CACNA2D3: variants seen among roughly 807,000 people sequenced by gnomAD.
CACNA2D3 encodes the protein calcium voltage-gated channel auxiliary subunit alpha2delta 3, also known as voltage-dependent calcium channel subunit alpha-2/delta-3.
In CACNA2D3, 60 loss-of-function variants were observed where a neutral mutation model predicts 160.6. That is an observed-to-expected ratio of 0.37 (90% CI 0.30 to 0.46). The LOEUF (loss-of-function observed/expected upper bound fraction) is 0.46, where lower values mean the gene tolerates loss of function less well. Ranked by LOEUF, CACNA2D3 falls within the 20% of genes least tolerant of loss-of-function variation. The probability of loss-of-function intolerance (pLI) is 1.00; values close to 1 mark genes in which losing one functional copy is unlikely to be tolerated. For synonymous variants in CACNA2D3, 558 were observed against 492.9 expected (o/e 1.13, Z -1.75); for missense variants, 1,205 against 1,365.0 (o/e 0.88, Z 1.85).
At chr3:54,459,585 T>G (rs576320208) in intron 4 of CACNA2D3, among the ~76,000 whole-genome samples, 67 of 152,334 alleles carry the variant, frequency 4.4e-4, no homozygotes, top group African/African-American at 1.6e-3. Context: ...GAGAAGTGTC[T>G]GTTCATATCC....
At chr3:54,726,607 C>G (rs1701282473) in intron 11 of CACNA2D3, among the ~76,000 whole-genome samples, 2 of 152,218 alleles carry the variant, frequency 1.3e-5, no homozygotes, top group African/African-American at 2.4e-5. Context: ...GGAAATAACA[C>G]CACACATCTA....
Position 54,891,427 on chromosome 3 carries a change from C to A in CACNA2D3, c.2223C>A (p.Val741=), listed in dbSNP as rs758945452. 1.2e-6 allele frequency: 2 copies of A among 1,613,758 alleles called. No individual in the cohort carries two copies. Among genetic ancestry groups the A allele is most frequent in the Admixed American group, 1.7e-5 (1 of 60,012 alleles). The change falls in exon 25 of 38, where the codon GTC becomes GTA. Residue 741 remains valine, a synonymous_variant. Transcript: ENST00000474759. The part of the protein sequence containing the change: ...RTGLSRINLF[V]GAEQLTNQDF... ...GCCTCTCCAGAATCAACCTGTTTGT[C>A]GGGGCTGAGCAGCTCACCAATCAGT...
intron 35 of CACNA2D3, among the ~76,000 whole-genome samples, chr3:55,064,863 G>A (rs78493693): frequency 0.015 from 2,350 of 152,230 alleles, 57 homozygotes; most frequent in African/African-American, 0.052. Context: ...ACACCATTAA[G>A]ATATATAGGG....
In CACNA2D3 at chr3:54,323,523, G is replaced by A. The variant is rs1198523618; in HGVS notation, c.321+2965G>A. Among the ~76,000 whole-genome samples the A allele has an allele frequency of 2.7e-5, 4 of 148,114 alleles. No homozygotes were observed. The East Asian group carries it at 8.0e-4, about 30-fold the overall frequency. ...GCTCTGTTGCCCAGGCTGGAGTGCA[G>A]TGATGCGATCTCAGCTCACTGCAAG... On this transcript the variant is annotated intron_variant, in intron 3 of 37. Transcript: ENST00000474759.
intron 2 of CACNA2D3, among the ~76,000 whole-genome samples, chr3:54,125,774 G>A (rs1699579934): frequency 6.6e-6 from 1 of 152,204 alleles, no homozygotes; most frequent in Non-Finnish European, 1.5e-5. Flanking sequence ...GTATGAATGG[G>A]AGTAGATCTG....
chr3:54,242,690 A>G (rs774753467), intron 2 of CACNA2D3, among the ~76,000 whole-genome samples: 5 of 152,128 alleles, frequency 3.3e-5, no homozygotes, highest in Non-Finnish European at 7.3e-5. Context: ...CCTGGGTGGT[A>G]TTTCCTCATG....
chr3:54,465,421 G>C (rs1356784784), intron 4 of CACNA2D3, among the ~76,000 whole-genome samples: 1 of 152,012 alleles, frequency 6.6e-6, no homozygotes, highest in African/African-American at 2.4e-5. Flanking sequence ...ATCTCTTACT[G>C]TGCCTAATTT....
intron 4 of CACNA2D3, among the ~76,000 whole-genome samples, chr3:54,501,890 C>T (rs1701300486): frequency 2.0e-5 from 3 of 152,182 alleles, no homozygotes; most frequent in Admixed American, 2.0e-4. Flanking sequence ...AGGGTAATTT[C>T]ATGGGATACA....
chr3:54,761,062 T>C (rs1702071399), intron 12 of CACNA2D3, among the ~76,000 whole-genome samples: 1 of 152,080 alleles, frequency 6.6e-6, no homozygotes, highest in African/African-American at 2.4e-5. Flanking sequence ...ATGATTGTTT[T>C]CCCCCAACTC....
rs1575477085 is a variant in CACNA2D3, at chr3:54,791,074, A to G, written c.1381-25779A>G. Among the ~76,000 whole-genome samples, 5 of 151,220 alleles carry G rather than the reference A, an allele frequency of 3.3e-5. 1 individual carries two copies. In the East Asian group the frequency reaches 5.8e-4, roughly 18 times the overall value. On this transcript the variant is annotated intron_variant, in intron 13 of 37. Transcript: ENST00000474759. Reference sequence around the variant, plus strand: ...TTTAACTTTCTGTTATGGGTAGTCTATGGATGTTCCTCCAAGAAGAGTTTC... The same window carrying G: ...TTTAACTTTCTGTTATGGGTAGTCTGTGGATGTTCCTCCAAGAAGAGTTTC...
intron 2 of CACNA2D3, among the ~76,000 whole-genome samples, chr3:54,239,109 A>G (rs1246119396): frequency 6.6e-6 from 1 of 152,210 alleles, no homozygotes; most frequent in Non-Finnish European, 1.5e-5. Context: ...TGGCTAGAAT[A>G]TAGGACAAAA....
chr3:54,621,381 G>A (rs1366782460), intron 9 of CACNA2D3, among the ~76,000 whole-genome samples: 2 of 152,202 alleles, frequency 1.3e-5, no homozygotes, highest in East Asian at 3.9e-4. Flanking sequence ...TGGCCGTGCT[G>A]CTGGCATTTG....
chr3:54,851,205 C>T (rs1004944760), intron 17 of CACNA2D3, among the ~76,000 whole-genome samples: 6 of 152,090 alleles, frequency 3.9e-5, no homozygotes, highest in African/African-American at 1.2e-4. Flanking sequence ...TAATCACTGA[C>T]TAATTGAATA....
At chr3:55,034,161 CTCT>C (rs770224706) in intron 35 of CACNA2D3, among the ~76,000 whole-genome samples, 7 of 151,842 alleles carry the variant, frequency 4.6e-5, no homozygotes, top group South Asian at 4.1e-4. Context: ...TGAAACCAAA[CTCT>C]TCTTCTACCA....
chr3:54,719,013 G>T (rs1211491208), intron 11 of CACNA2D3, among the ~76,000 whole-genome samples: 1 of 151,904 alleles, frequency 6.6e-6, no homozygotes, highest in African/African-American at 2.4e-5. Flanking sequence ...ATTTTGCCAA[G>T]TTCACTTACT....
chr3:55,033,748 T>TTA (rs10647437), intron 35 of CACNA2D3, among the ~76,000 whole-genome samples: 11,870 of 79,270 alleles, frequency 0.15, 1,472 homozygotes, highest in Admixed American at 0.21. Context: ...ATAATATATA[T>TTA]TATATTAAAT....
chr3:54,588,317 C>G (rs1234615542), intron 9 of CACNA2D3, among the ~76,000 whole-genome samples: 6 of 152,136 alleles, frequency 3.9e-5, no homozygotes, highest in Non-Finnish European at 8.8e-5. Context: ...GAAGTAACTT[C>G]TCCAAATTGA....
At chr3:54,652,782 G>GGT (rs1699798286) in intron 11 of CACNA2D3, among the ~76,000 whole-genome samples, 1 of 81,750 alleles carries the variant, frequency 1.2e-5, no homozygotes, top group African/African-American at 3.3e-5. Flanking sequence ...GCCATGGGAG[G>GGT]CTTTTTTTTT....
At position 54,924,536 on chromosome 3, in the gene CACNA2D3, A is replaced by G. The variant is rs982446625; in HGVS notation, c.2449+24668A>G. ...ATCCACCCCTTACACACTCCTCCAC[A>G]TTCTTTCTAATGCAGAGAACAGATG... On this transcript the variant is annotated intron_variant, in intron 27 of 37. Transcript: ENST00000474759. 6 of 1,180,520 alleles carry G rather than the reference A, an allele frequency of 5.1e-6. No individual in the cohort carries two copies. The African/African-American group carries it at 6.1e-5, about 12-fold the overall frequency. 73.1% of individuals were successfully genotyped at this position (1,180,520 alleles called of 1,614,324 possible). A position where few individuals can be genotyped will look rare whatever the true frequency, so the allele number is the denominator to read the frequency against.
Sources: gnomAD v4.1 joint callset for allele counts (sites outside exome capture counted in the v4.1 genomes callset) on GRCh38, gnomAD v4.1.1 for gene constraint, MANE v1.5 for transcripts, NCBI Gene and HGNC (gene_info 2026-07-23, HGNC 2026-07-21) for gene names.